The following SLC7A6 variants were observed in gnomAD, a reference collection of about 807,000 sequenced individuals.
SLC7A6 encodes solute carrier family 7 member 6, also known as Y+L amino acid transporter 2.
SLC7A6 carries 29 observed loss-of-function variants against 46.6 expected under a neutral mutation model. The observed-to-expected ratio is 0.62, with a 90% CI of 0.46 to 0.85. The LOEUF (loss-of-function observed/expected upper bound fraction) is 0.85. Ranked by LOEUF, SLC7A6 falls within the 40% of genes least tolerant of loss-of-function variation. The probability of loss-of-function intolerance (pLI) is 0.00; values close to 1 mark genes in which losing one functional copy is unlikely to be tolerated. For missense variants in SLC7A6, 527 were observed against 647.6 expected (o/e 0.81, Z 2.02); for synonymous variants, 276 against 257.3 (o/e 1.07, Z -0.70).
At position 68,272,103 on chromosome 16, in the gene SLC7A6, T is replaced by C. The variant is rs373641704; in HGVS notation, c.-36-2588T>C. ...CAGGCGTGAGCCACTGCGCCCAGCA[T>C]GCATTTTGTTACTGAATGAAGATAA... On this transcript the variant is annotated intron_variant, in intron 2 of 10. Coordinates refer to ENST00000219343, the MANE Select transcript of SLC7A6 (RefSeq NM_003983.6). Among the ~76,000 whole-genome samples, 4 of 152,190 alleles carry C rather than the reference T, an allele frequency of 2.6e-5. No individual in the cohort carries two copies. The South Asian group carries it at 8.3e-4, about 32-fold the overall frequency.
intron 8 of SLC7A6, among the ~76,000 whole-genome samples, chr16:68,295,666 G>T (rs972244230): frequency 6.6e-6 from 1 of 152,230 alleles, no homozygotes; most frequent in Non-Finnish European, 1.5e-5. Flanking sequence ...TTGATAATTT[G>T]TAATGAAAAG....
At chr16:68,276,652 ACT>A (rs2042717408) in intron 3 of SLC7A6, among the ~76,000 whole-genome samples, 1 of 151,924 alleles carries the variant, frequency 6.6e-6, no homozygotes, top group Admixed American at 6.6e-5. Context: ...GGCTAGGGAG[ACT>A]CTGGTCTGAC....
intron 3 of SLC7A6, among the ~76,000 whole-genome samples, chr16:68,278,082 G>A (rs1480199859): frequency 2.6e-5 from 4 of 151,858 alleles, no homozygotes; most frequent in Non-Finnish European, 4.4e-5. Flanking sequence ...TCAGCCTCCC[G>A]AGTAGCTGGG....
At position 68,298,530 on chromosome 16, in the gene SLC7A6, G is replaced by A. The variant is rs1360152153; in HGVS notation, c.*1202G>A. The A allele has an allele frequency of 6.6e-6, 1 of 152,242 alleles. No individual in the cohort carries two copies. Among genetic ancestry groups the A allele is most frequent in the African/African-American group, 2.4e-5 (1 of 41,450 alleles). 9.4% of individuals were successfully genotyped at this position (152,242 alleles called of 1,614,324 possible). On this transcript the variant is annotated 3_prime_UTR_variant, in exon 11 of 11. Transcript: ENST00000219343. ...TGGAGCCACCTTGGTGTGGGTCACC[G>A]GGACAGTGTACTCCTCTCCTGCCAG...
chr16:68,287,629 T>C, intron 3 of SLC7A6, 117 bp from the exon 4 acceptor site: 5 of 1,537,118 alleles, frequency 3.3e-6, no homozygotes, highest in Non-Finnish European at 4.4e-6. Context: ...TTCTGACTGG[T>C]CCATTGGCCC....
intron 4 of SLC7A6, 140 bp downstream of exon 4, chr16:68,288,011 A>G: frequency 7.7e-7 from 1 of 1,301,576 alleles, no homozygotes; most frequent in Non-Finnish European, 1.0e-6. Flanking sequence ...ATGGGAGTAG[A>G]TTTCTTTCTG....
chr16:68,270,557 G>C (rs1298722127), intron 2 of SLC7A6, among the ~76,000 whole-genome samples: 1 of 152,196 alleles, frequency 6.6e-6, no homozygotes, highest in African/African-American at 2.4e-5. Flanking sequence ...AAAAACCTGA[G>C]TGTCTGTGGC....
chr16:68,275,356 G>A, intron 3 of SLC7A6, 107 bp downstream of exon 3: 2 of 1,394,382 alleles, frequency 1.4e-6, no homozygotes, highest in Non-Finnish European at 1.9e-6. Context: ...AGCACTTTGG[G>A]AGGCTGAGGC....
In SLC7A6 at chr16:68,298,633, TGGA is replaced by T. The variant is rs1189404611; in HGVS notation, c.*1307_*1309del. ...TGTGGGGACTTCTGTTTTCTCCCTG[TGGA>T]GATCAGTGAAGACTGGGAGGAAAGC... is the stretch of plus-strand genomic sequence containing the variant. On this transcript the variant is annotated 3_prime_UTR_variant, in exon 11 of 11. Coordinates refer to ENST00000219343, the MANE Select transcript of SLC7A6 (RefSeq NM_003983.6). The T allele has an allele frequency of 6.6e-6, 1 of 152,178 alleles. No homozygotes were observed. Among genetic ancestry groups the T allele is most frequent in the African/African-American group, 2.4e-5 (1 of 41,406 alleles). The allele number at this position is 152,178 out of a possible 1,614,324, so 9.4% of individuals were successfully genotyped here.
intron 4 of SLC7A6, 72 bp downstream of exon 4, chr16:68,287,943 A>G: frequency 1.9e-6 from 3 of 1,574,400 alleles, no homozygotes; most frequent in Non-Finnish European, 2.6e-6. Context: ...CGACTCTGTT[A>G]GCTTCACTGC....
chr16:68,274,371 G>A (rs1027604722), intron 2 of SLC7A6, among the ~76,000 whole-genome samples: 1 of 152,198 alleles, frequency 6.6e-6, no homozygotes, highest in Non-Finnish European at 1.5e-5. Context: ...TGAGAACAGA[G>A]CAGAAATCTA....
At chr16:68,276,578 G>T (rs937645838) in intron 3 of SLC7A6, among the ~76,000 whole-genome samples, 2 of 152,204 alleles carry the variant, frequency 1.3e-5, no homozygotes, top group African/African-American at 4.8e-5. Flanking sequence ...GGGATAGTGA[G>T]GGGGAAACGG....
chr16:68,278,452 C>CTTT (rs755853676), intron 3 of SLC7A6, among the ~76,000 whole-genome samples: 2 of 139,068 alleles, frequency 1.4e-5, no homozygotes, highest in African/African-American at 5.3e-5. Flanking sequence ...ACCCTGCGGC[C>CTTT]TTTTTTTTTT....
intron 3 of SLC7A6, among the ~76,000 whole-genome samples, chr16:68,281,616 G>A (rs966973351): frequency 2.6e-5 from 4 of 152,194 alleles, no homozygotes; most frequent in African/African-American, 9.7e-5. Context: ...TCACTTGTGG[G>A]ACTAATGGGG....
rs1596974606 is a variant in SLC7A6 at position 68,274,975 on chromosome 16, G to A, written c.249G>A (p.Val83=). 1 of 1,614,236 alleles carries A rather than the reference G, an allele frequency of 6.2e-7. No individual in the cohort carries two copies. The highest frequency in any genetic ancestry group is 1.1e-5 in the South Asian group (1 of 91,084). ...CCTCCTATGGGATGTCACTGATTGT[G>A]TGGGCCATTGGTGGGCTCTTCTCTG... ...HTASYGMSLI[V]WAIGGLFSVV... The change falls in exon 3 of 11, where the codon GTG becomes GTA. Residue 83 remains valine (V), a synonymous_variant. Transcript: ENST00000219343.
intron 3 of SLC7A6, chr16:68,287,174 C>T (rs1430896690): frequency 2.2e-6 from 1 of 462,206 alleles, no homozygotes; most frequent in Non-Finnish European, 3.6e-6. Context: ...GACAGGGTTT[C>T]TCCATGTTGC....
rs764736361 is a variant in SLC7A6, at chr16:68,275,163, C to A, written c.437C>A (p.Thr146Asn). 20 of 1,614,098 alleles carry A rather than the reference C, an allele frequency of 1.2e-5. No individual in the cohort carries two copies. The highest frequency in any genetic ancestry group is 1.6e-4 in the Middle Eastern group (1 of 6,062). ...EPTGQAIIAI[T>N]FANYIIQPSF... Reference sequence around the variant, plus strand: ...ACCGGTCAGGCCATCATCGCCATCACCTTTGCCAACTACATCATCCAGCCG... The same window carrying A: ...ACCGGTCAGGCCATCATCGCCATCAACTTTGCCAACTACATCATCCAGCCG... Residue 146 changes from threonine (T) to asparagine (N), a missense_variant, in exon 3 of 11, where the codon ACC becomes AAC. By Grantham distance (65) the Thr-to-Asn change is moderately conservative (BLOSUM62 0). Coordinates refer to ENST00000219343, the MANE Select transcript of SLC7A6 (RefSeq NM_003983.6).
rs2043249902 is a variant in SLC7A6 at position 68,300,437 on chromosome 16, G to A, written c.*3109G>A. On this transcript the variant is annotated 3_prime_UTR_variant, in exon 11 of 11. Coordinates refer to ENST00000219343, the MANE Select transcript of SLC7A6 (RefSeq NM_003983.6). The stretch of plus-strand genomic sequence containing the variant: ...ATCCTGTTGATAGTAGTTTGTTTTT[G>A]TGGTGGGTGCTGTGAAGAGTAAACA... The A allele has an allele frequency of 1.1e-5, 2 of 174,322 alleles. No homozygotes were observed. Among genetic ancestry groups the A allele is most frequent in the Non-Finnish European group, 2.3e-5 (2 of 88,338 alleles). The allele number at this position is 174,322 out of a possible 1,614,324, so 10.8% of individuals were successfully genotyped here. A position where few individuals can be genotyped will look rare whatever the true frequency, so the allele number is the denominator to read the frequency against.
In SLC7A6 at chr16:68,291,578, T is replaced by G; in HGVS notation, c.939T>G (p.Phe313Leu). ...CCCAGACATTTGCTGACCAGACGTT[T>G]GGCATGTTCAGCTGGACCATCCCCA... ...AVAVTFADQT[F>L]GMFSWTIPIA... Residue 313 changes from phenylalanine (F) to leucine (L), a missense_variant, in exon 7 of 11, where the codon TTT becomes TTG. Coordinates refer to ENST00000219343, the MANE Select transcript of SLC7A6 (RefSeq NM_003983.6). The G allele has an allele frequency of 6.2e-7, 1 of 1,614,186 alleles. No individual in the cohort carries two copies. The highest frequency in any genetic ancestry group is 8.5e-7 in the Non-Finnish European group (1 of 1,180,030).
Sources: allele counts gnomAD v4.1 joint callset (sites outside exome capture counted in the v4.1 genomes callset), GRCh38; gene constraint gnomAD v4.1.1; transcripts MANE v1.5; gene names NCBI Gene and HGNC (gene_info 2026-07-23, HGNC 2026-07-21).